COL27A1: variants seen among roughly 807,000 people sequenced by gnomAD.
COL27A1 encodes collagen alpha-1(XXVII) chain.
In COL27A1, 106 loss-of-function variants were observed where a neutral mutation model predicts 251.3. That is an observed-to-expected ratio of 0.42 (90% CI 0.36 to 0.50). The LOEUF (loss-of-function observed/expected upper bound fraction) is 0.50, where lower values mean the gene tolerates loss of function less well. Ranked by LOEUF, COL27A1 falls within the 20% of genes least tolerant of loss-of-function variation. The probability of loss-of-function intolerance (pLI) is 0.00; values close to 1 mark genes in which losing one functional copy is unlikely to be tolerated. For synonymous variants in COL27A1, 1,000 were observed against 986.3 expected, an observed-to-expected ratio of 1.01 and a Z score of -0.26; for missense variants, 2,325 against 2,522.8, an observed-to-expected ratio of 0.92 and a Z score of 1.68.
intron 6 of COL27A1, among the ~76,000 whole-genome samples, 180 bp from the exon 7 acceptor site, chr9:114,195,779 G>C (rs1254885464): frequency 6.6e-6 from 1 of 152,184 alleles, no homozygotes; most frequent in Non-Finnish European, 1.5e-5. Flanking sequence ...GGAAGGGGCT[G>C]GGTACACCAC....
At chr9:114,300,447 A>G (rs1453821714) in intron 50 of COL27A1, 178 bp from the exon 51 acceptor site, 1 of 579,180 alleles carries the variant, frequency 1.7e-6, no homozygotes, top group Admixed American at 3.3e-5. Flanking sequence ...CTGAGCCAAC[A>G]CACTGCTGGT....
chr9:114,206,685 A>G (rs1241293131), intron 10 of COL27A1, among the ~76,000 whole-genome samples: 1 of 152,176 alleles, frequency 6.6e-6, no homozygotes, highest in Non-Finnish European at 1.5e-5. Flanking sequence ...GCTGGGGGGA[A>G]CCACTCTTTG....
chr9:114,288,536 C>G (rs377673081), intron 42 of COL27A1, 25 bp downstream of exon 42: 3 of 1,591,878 alleles, frequency 1.9e-6, no homozygotes, highest in Non-Finnish European at 2.6e-6. Context: ...TCCCCTGGAC[C>G]ATGTGGCGTC....
At chr9:114,184,414 A>T (rs948480615) in intron 5 of COL27A1, among the ~76,000 whole-genome samples, 2 of 152,196 alleles carry the variant, frequency 1.3e-5, no homozygotes, top group Non-Finnish European at 2.9e-5. Context: ...CTCACATGGT[A>T]GCCCTGGGCA....
rs1831978587 is a variant in COL27A1, at chr9:114,231,827, G to A, written c.2526G>A (p.Leu842=). 1.2e-6 allele frequency: 2 copies of A among 1,614,210 alleles called. No homozygotes were observed. The highest frequency in any genetic ancestry group is 8.5e-7 in the Non-Finnish European group (1 of 1,180,032). ...GYPGPKGMKG[L]MGSVGEPGLK... ...CCTTGGGCTTTGTCTTGCAGGGACT[G>A]ATGGGCAGCGTGGGGGAGCCCGGAC... The change falls in exon 16 of 61, where the codon CTG becomes CTA. Residue 842 remains leucine (L), a synonymous_variant. Transcript: ENST00000356083.
At chr9:114,166,307 CCATCCATCTATA>C (rs1848853489) in intron 2 of COL27A1, among the ~76,000 whole-genome samples, 1 of 150,932 alleles carries the variant, frequency 6.6e-6, no homozygotes, top group Non-Finnish European at 1.5e-5. Flanking sequence ...ATCTATTCAT[CCATCCATCTATA>C]CATCCATCTA....
chr9:114,234,203 C>T (rs1199204190), intron 16 of COL27A1, among the ~76,000 whole-genome samples: 2 of 120,148 alleles, frequency 1.7e-5, no homozygotes, highest in Non-Finnish European at 3.3e-5. Flanking sequence ...TCACTCCTCT[C>T]TTGGACATTA....
At chr9:114,291,173 G>C (rs963637819) in intron 48 of COL27A1, among the ~76,000 whole-genome samples, 5 of 150,814 alleles carry the variant, frequency 3.3e-5, no homozygotes, top group Admixed American at 2.0e-4. Flanking sequence ...AGTTGTCCAC[G>C]GGCGCCCTCT....
intron 24 of COL27A1, among the ~76,000 whole-genome samples, chr9:114,250,158 TC>T (rs1419015014): frequency 6.6e-6 from 1 of 152,214 alleles, no homozygotes; most frequent in Non-Finnish European, 1.5e-5. Context: ...GGCCTCCGCC[TC>T]CCCGATTCCA....
chr9:114,290,759 T>C lies in COL27A1; in HGVS notation c.4369-51T>C, dbSNP rs1230894081. The C allele has an allele frequency of 1.4e-6, 2 of 1,396,254 alleles. No homozygotes were observed. The highest frequency in any genetic ancestry group is 2.9e-5 in the African/African-American group (2 of 69,088). The allele number at this position is 1,396,254 out of a possible 1,614,324, so 86.5% of individuals were successfully genotyped here. A position where few individuals can be genotyped will look rare whatever the true frequency, so the allele number is the denominator to read the frequency against. ...CCAGGCGTTGAGCCATCTGCTTCCT[T>C]GGCTGTATCGTGAAACACAAGAGAC... On this transcript the variant is annotated intron_variant, in intron 47 of 60. Coordinates refer to ENST00000356083, the MANE Select transcript of COL27A1 (RefSeq NM_032888.4). This position sits in a 1 kb window ranked among gnomAD's most constrained non-coding sequence, Gnocchi z 4.6.
chr9:114,233,279 T>C (rs1832094287), intron 16 of COL27A1, among the ~76,000 whole-genome samples: 1 of 152,114 alleles, frequency 6.6e-6, no homozygotes, highest in African/African-American at 2.4e-5. Context: ...CTTAGAACAT[T>C]AGAATTGCTG....
rs897674027 is a variant in COL27A1 at position 114,284,472 on chromosome 9, C to T, written c.3934-252C>T. Among the ~76,000 whole-genome samples the T allele has an allele frequency of 5.9e-5, 9 of 152,242 alleles. No individual in the cohort carries two copies. The South Asian group carries it at 1.0e-3, about 18-fold the overall frequency. On this transcript the variant is annotated intron_variant, in intron 40 of 60. Transcript: ENST00000356083. The stretch of plus-strand genomic sequence containing the variant: ...AACAAAGCTGGTTCTCCCGAGTCAC[C>T]CTTCCAGGTCTGCTCCAGGGTGGGG...
At chr9:114,262,937 G>GGTTT (rs1409630455) in intron 28 of COL27A1, among the ~76,000 whole-genome samples, 1 of 56,178 alleles carries the variant, frequency 1.8e-5, no homozygotes, top group Non-Finnish European at 3.2e-5. Context: ...TTCCTTGTTT[G>GGTTT]ATTTTTTTTT....
intron 21 of COL27A1, among the ~76,000 whole-genome samples, chr9:114,241,722 G>T (rs143952620): frequency 6.6e-6 from 1 of 152,158 alleles, no homozygotes; most frequent in African/African-American, 2.4e-5. Flanking sequence ...GATGTTTGGG[G>T]GTGGCTGCAA....
At position 114,204,897 on chromosome 9, in the gene COL27A1, A is replaced by G. The variant is rs538415847; in HGVS notation, c.2125-205A>G. 3.9e-5 allele frequency among the ~76,000 whole-genome samples: 6 copies of G among 152,298 alleles called. No individual in the cohort carries two copies. The East Asian group carries it at 9.7e-4, about 25-fold the overall frequency. On this transcript the variant is annotated intron_variant, in intron 7 of 60. Coordinates refer to ENST00000356083, the MANE Select transcript of COL27A1 (RefSeq NM_032888.4). ...CCTGATGTCCTCTGGCCTAAGAACCACTGGGAGCAGAGAGAAAACCTTAGG... is the reference window on the plus strand; with the variant it reads ...CCTGATGTCCTCTGGCCTAAGAACCGCTGGGAGCAGAGAGAAAACCTTAGG...
intron 49 of COL27A1, among the ~76,000 whole-genome samples, chr9:114,292,652 A>T (rs1350091425): frequency 6.6e-6 from 1 of 152,248 alleles, no homozygotes; most frequent in Non-Finnish European, 1.5e-5. Context: ...TAAAGCTGAG[A>T]TTGTCAGAGT....
chr9:114,225,993 G>T (rs930254405), intron 14 of COL27A1, among the ~76,000 whole-genome samples: 1 of 152,184 alleles, frequency 6.6e-6, no homozygotes, highest in East Asian at 1.9e-4. Flanking sequence ...GTGAGCCACC[G>T]GTGGCTCCCT....
chr9:114,292,498 T>G (rs1827994868), intron 49 of COL27A1, among the ~76,000 whole-genome samples: 1 of 152,174 alleles, frequency 6.6e-6, no homozygotes, highest in Non-Finnish European at 1.5e-5. Flanking sequence ...CCCAGTCCAG[T>G]GCTCATTCTG....
chr9:114,204,325 A>T (rs1413549401), intron 7 of COL27A1, among the ~76,000 whole-genome samples: 2 of 152,190 alleles, frequency 1.3e-5, no homozygotes, highest in African/African-American at 4.8e-5. Flanking sequence ...CCCCCATCTG[A>T]TGGAAGCTTG....
Sources: gnomAD v4.1 joint callset for allele counts (sites outside exome capture counted in the v4.1 genomes callset) on GRCh38, gnomAD v4.1.1 for gene constraint, Gnocchi (gnomAD v3.1) non-coding constraint, MANE v1.5 for transcripts, NCBI Gene and HGNC (gene_info 2026-07-23, HGNC 2026-07-21) for gene names.